The following PRKD1 variants were observed in gnomAD, a reference collection of about 807,000 sequenced individuals.
The protein encoded by PRKD1 is protein kinase D1.
A neutral mutation model predicts 95.9 loss-of-function variants in PRKD1; 63 were observed. That is an observed-to-expected ratio of 0.66 (90% CI 0.54 to 0.81). The LOEUF (loss-of-function observed/expected upper bound fraction) is 0.81, where lower values mean the gene tolerates loss of function less well. PRKD1 is among the 30% of genes least tolerant of loss of function. PRKD1 has a pLI of 0.00. For synonymous variants in PRKD1, 425 were observed against 423.1 expected (o/e 1.00, Z -0.05); for missense variants, 1,048 against 1,165.3 (o/e 0.90, Z 1.47).
At chr14:29,801,181 T>G (rs1890012583) in intron 1 of PRKD1, among the ~76,000 whole-genome samples, 2 of 152,172 alleles carry the variant, frequency 1.3e-5, no homozygotes, top group South Asian at 4.1e-4. Context: ...CAGGAGCTGG[T>G]ACTGCAGTCT....
intron 1 of PRKD1, among the ~76,000 whole-genome samples, chr14:29,836,975 A>T (rs1245762337): frequency 6.6e-6 from 1 of 152,172 alleles, no homozygotes; most frequent in Non-Finnish European, 1.5e-5. Flanking sequence ...CAATCACAGG[A>T]TGGTTACCTT....
At chr14:29,694,510 T>C (rs757705049) in intron 2 of PRKD1, among the ~76,000 whole-genome samples, 1 of 152,212 alleles carries the variant, frequency 6.6e-6, no homozygotes, top group African/African-American at 2.4e-5. Flanking sequence ...TCATCTACTA[T>C]GTTCCAAAAA....
intron 1 of PRKD1, among the ~76,000 whole-genome samples, chr14:29,802,274 C>T (rs1890066758): frequency 6.6e-6 from 1 of 151,886 alleles, no homozygotes; most frequent in African/African-American, 2.4e-5. Context: ...GTAAATAAGG[C>T]CAGTTTGCCA....
At chr14:29,921,925 A>T (rs568495542) in intron 1 of PRKD1, among the ~76,000 whole-genome samples, 12 of 152,358 alleles carry the variant, frequency 7.9e-5, no homozygotes, top group African/African-American at 2.9e-4. Flanking sequence ...CAGCCCATGG[A>T]CTACAAGGCT....
intron 1 of PRKD1, among the ~76,000 whole-genome samples, chr14:29,853,280 C>T (rs1892376478): frequency 6.6e-6 from 1 of 152,170 alleles, no homozygotes. Context: ...AGTCCTATAA[C>T]TTTACTGCAA....
intron 1 of PRKD1, among the ~76,000 whole-genome samples, chr14:29,773,715 A>G (rs1594504917): frequency 6.6e-6 from 1 of 152,300 alleles, no homozygotes; most frequent in East Asian, 1.9e-4. Flanking sequence ...AGTTATGACC[A>G]TTGCTAGTAA....
At position 29,697,703 on chromosome 14, in the gene PRKD1, A is replaced by AT. The variant is rs535078647; in HGVS notation, c.403+27832dup. 6.3e-3 allele frequency among the ~76,000 whole-genome samples: 939 copies of AT among 149,670 alleles called. 12 individuals are homozygous for AT. The highest frequency in any genetic ancestry group is 7.0e-3 in the Middle Eastern group (2 of 286). On this transcript the variant is annotated intron_variant, in intron 2 of 17. Transcript: ENST00000331968. Reference sequence around the variant, plus strand: ...GAAGATCACACTTTAGTTCCTTTTCATTTTTTTTTTGACATGATTGTGCTT... The same window carrying AT: ...GAAGATCACACTTTAGTTCCTTTTCATTTTTTTTTTTGACATGATTGTGCTT...
chr14:29,906,835 G>C (rs1223001968), intron 1 of PRKD1, among the ~76,000 whole-genome samples: 1 of 152,178 alleles, frequency 6.6e-6, no homozygotes, highest in African/African-American at 2.4e-5. Flanking sequence ...CAGCTAACAT[G>C]GGGTGATTGG....
intron 2 of PRKD1, among the ~76,000 whole-genome samples, chr14:29,689,496 A>G (rs1884104247): frequency 6.6e-6 from 1 of 152,184 alleles, no homozygotes. Context: ...GGTTGCAGAG[A>G]AAAAGGAACA....
At chr14:29,798,712 A>T (rs977668409) in intron 1 of PRKD1, among the ~76,000 whole-genome samples, 1 of 152,180 alleles carries the variant, frequency 6.6e-6, no homozygotes, top group African/African-American at 2.4e-5. Flanking sequence ...ATTTTCTCCC[A>T]TTCTAATTTA....
At chr14:29,831,718 C>T (rs1003686568) in intron 1 of PRKD1, among the ~76,000 whole-genome samples, 1 of 152,024 alleles carries the variant, frequency 6.6e-6, no homozygotes, top group Non-Finnish European at 1.5e-5. Context: ...TTCTTACTCT[C>T]TTTTGTTCTC....
chr14:29,614,652 T>A (rs1043877097), intron 13 of PRKD1, among the ~76,000 whole-genome samples: 1 of 152,038 alleles, frequency 6.6e-6, no homozygotes, highest in African/African-American at 2.4e-5. Context: ...TCATGGAGAA[T>A]ATTTTAGACA....
rs1030720495 is a variant in PRKD1, at chr14:29,812,515, G to C, written c.265-86841C>G. Among the ~76,000 whole-genome samples, 47 of 152,166 alleles carry C rather than the reference G, an allele frequency of 3.1e-4. 1 individual carries two copies. The highest frequency in any genetic ancestry group is 5.9e-5 in the Non-Finnish European group (4 of 68,044). Reference sequence around the variant, plus strand: ...ACCCAGACTTGGGTAATTTACAAAGGAAAGAGCTTCTGCATGTCTAGGGAG... The same window carrying C: ...ACCCAGACTTGGGTAATTTACAAAGCAAAGAGCTTCTGCATGTCTAGGGAG... On this transcript the variant is annotated intron_variant, in intron 1 of 17. Coordinates refer to ENST00000331968, the MANE Select transcript of PRKD1 (RefSeq NM_002742.3).
intron 1 of PRKD1, among the ~76,000 whole-genome samples, chr14:29,742,285 C>T (rs755057223): frequency 6.6e-6 from 1 of 152,250 alleles, no homozygotes; most frequent in East Asian, 1.9e-4. Context: ...ACATTAGTGA[C>T]GTTTATTATT....
At chr14:29,664,059 C>G (rs530775966) in intron 3 of PRKD1, among the ~76,000 whole-genome samples, 200 bp from the exon 4 acceptor site, 3 of 152,082 alleles carry the variant, frequency 2.0e-5, no homozygotes, top group South Asian at 4.2e-4. Flanking sequence ...TCTTATTGCA[C>G]AAGCTCAGGA....
At chr14:29,791,014 A>G (rs1889521144) in intron 1 of PRKD1, among the ~76,000 whole-genome samples, 1 of 152,178 alleles carries the variant, frequency 6.6e-6, no homozygotes, top group Admixed American at 6.5e-5. Flanking sequence ...ATGGTCTGCT[A>G]TTGTATTCAC....
chr14:29,593,984 T>A (rs1893215128), intron 16 of PRKD1: 2 of 334,464 alleles, frequency 6.0e-6, no homozygotes, highest in South Asian at 5.0e-5. Context: ...GTGTAAAGAA[T>A]GGAGACAAAT....
At chr14:29,817,902 T>C (rs942877530) in intron 1 of PRKD1, among the ~76,000 whole-genome samples, 2 of 152,206 alleles carry the variant, frequency 1.3e-5, no homozygotes, top group African/African-American at 4.8e-5. Context: ...CAACTATTTT[T>C]TCATTTAAAA....
intron 4 of PRKD1, among the ~76,000 whole-genome samples, chr14:29,659,101 C>G (rs1480653177): frequency 6.6e-6 from 1 of 152,190 alleles, no homozygotes; most frequent in Non-Finnish European, 1.5e-5. Flanking sequence ...CATGTAACCT[C>G]TACCCAGATC....
Sources: gnomAD v4.1 joint callset for allele counts (sites outside exome capture counted in the v4.1 genomes callset) on GRCh38, gnomAD v4.1.1 for gene constraint, MANE v1.5 for transcripts, NCBI Gene and HGNC (gene_info 2026-07-23, HGNC 2026-07-21) for gene names.